The following FAM163B variants were observed in gnomAD, a reference collection of about 807,000 sequenced individuals.
The protein encoded by FAM163B is protein FAM163B.
A neutral mutation model predicts 7.6 loss-of-function variants in FAM163B; 4 were observed. The ratio of observed to expected loss-of-function variants is 0.52; its 90% CI spans 0.26 to 1.20. FAM163B has a LOEUF of 1.20. Among genes scored for constraint, FAM163B ranks in the 50% most tolerant of loss-of-function variants. FAM163B has a pLI of 0.14. For synonymous variants in FAM163B, 120 were observed against 111.6 expected (o/e 1.07, Z -0.47); for missense variants, 250 against 243.0 (o/e 1.03, Z -0.19).
intron 1 of FAM163B, among the ~76,000 whole-genome samples, chr9:133,590,554 C>A (rs1042258879): frequency 6.6e-6 from 1 of 152,182 alleles, no homozygotes. Flanking sequence ...CACTTCCAGG[C>A]CTTTACCCAC....
intron 1 of FAM163B, among the ~76,000 whole-genome samples, chr9:133,589,093 G>A (rs544418753): frequency 5.9e-5 from 9 of 152,162 alleles, no homozygotes; most frequent in Non-Finnish European, 8.8e-5. Context: ...CAATACCCCC[G>A]GAAAATACCC....
chr9:133,588,017 C>A (rs1831467926), intron 1 of FAM163B, among the ~76,000 whole-genome samples: 1 of 152,046 alleles, frequency 6.6e-6, no homozygotes, highest in Non-Finnish European at 1.5e-5. Flanking sequence ...GAGCCCAGTG[C>A]TCACCAGGAC....
At position 133,580,598 on chromosome 9, in the gene FAM163B, T is replaced by C. The variant is rs368323551; in HGVS notation, c.-23-352A>G. Among the ~76,000 whole-genome samples, 1,185 of 152,354 alleles carry C rather than the reference T, an allele frequency of 7.8e-3. 10 individuals carry two copies. The highest frequency in any genetic ancestry group is 0.027 in the African/African-American group (1,103 of 41,578). On this transcript the variant is annotated intron_variant, in intron 1 of 2. Coordinates refer to ENST00000673969, the MANE Select transcript of FAM163B (RefSeq NM_001080515.3). ...AGCCTGGCTCTACAAGCTTGCACGT[T>C]TTTAAATTTACCCAAATGCAGTCAG...
chr9:133,589,902 G>C (rs1051385317), intron 1 of FAM163B, among the ~76,000 whole-genome samples: 14 of 152,226 alleles, frequency 9.2e-5, no homozygotes, highest in Admixed American at 5.2e-4. Flanking sequence ...CAGGAAATGG[G>C]GGGTGGGAGG....
In FAM163B at chr9:133,609,086, T is replaced by G. The variant is rs1231044055; in HGVS notation, c.-33A>C. Among the ~76,000 whole-genome samples, 1 of 152,120 alleles carries G rather than the reference T, an allele frequency of 6.6e-6. No homozygotes were observed. Among genetic ancestry groups the G allele is most frequent in the Non-Finnish European group, 1.5e-5 (1 of 67,992 alleles). Reference sequence around the variant, plus strand: ...CCCGCTCGGCCCTTACCTTGAAGCATGGGAACCGCGCTGCCCCGGCCGCGA... The same window carrying G: ...CCCGCTCGGCCCTTACCTTGAAGCAGGGGAACCGCGCTGCCCCGGCCGCGA... On this transcript the variant is annotated 5_prime_UTR_variant, in exon 1 of 3. An upstream start codon of the reference 5' UTR is lost. Transcript: ENST00000673969.
intron 1 of FAM163B, among the ~76,000 whole-genome samples, chr9:133,583,723 G>A (rs1422541025): frequency 2.0e-5 from 3 of 152,204 alleles, no homozygotes; most frequent in Non-Finnish European, 2.9e-5. Context: ...GCAGCCTGGC[G>A]GCGTGACGGG....
At chr9:133,591,225 C>G (rs1011619617) in intron 1 of FAM163B, among the ~76,000 whole-genome samples, 4 of 152,248 alleles carry the variant, frequency 2.6e-5, no homozygotes, top group Non-Finnish European at 5.9e-5. Flanking sequence ...CTGCTATGCC[C>G]TGGCACTGGG....
chr9:133,591,365 G>T (rs1281832361), intron 1 of FAM163B, among the ~76,000 whole-genome samples: 1 of 152,232 alleles, frequency 6.6e-6, no homozygotes, highest in Admixed American at 6.5e-5. Flanking sequence ...GGCCACCTGG[G>T]TGTCCTGTGG....
chr9:133,589,807 C>G (rs1427977465), intron 1 of FAM163B, among the ~76,000 whole-genome samples: 1 of 152,042 alleles, frequency 6.6e-6, no homozygotes, highest in Non-Finnish European at 1.5e-5. Flanking sequence ...TAGGCCAGGC[C>G]AGGGCTTCAG....
rs6606356 is a variant in FAM163B, at chr9:133,578,798, C to T, written c.*224G>A. 0.012 allele frequency: 9,609 copies of T among 791,768 alleles called. 76 individuals carry two copies. The highest frequency in any genetic ancestry group is 0.016 in the Non-Finnish European group (8,564 of 547,930). 49.0% of individuals were successfully genotyped at this position (791,768 alleles called of 1,614,324 possible). ...TGTATGGTCACCTGGTCCTTCTAGC[C>T]CCAGGCCCCAGCTGTGCCTCCCCCC... is the stretch of plus-strand genomic sequence containing the variant. On this transcript the variant is annotated 3_prime_UTR_variant, in exon 3 of 3. Transcript: ENST00000673969.
intron 1 of FAM163B, among the ~76,000 whole-genome samples, chr9:133,603,984 C>T (rs755957194): frequency 2.0e-5 from 3 of 152,116 alleles, no homozygotes; most frequent in East Asian, 1.9e-4. Flanking sequence ...GGATTACAGG[C>T]GCATGCCACC....
At chr9:133,607,697 G>C (rs1297882252) in intron 1 of FAM163B, among the ~76,000 whole-genome samples, 4 of 152,206 alleles carry the variant, frequency 2.6e-5, no homozygotes, top group Non-Finnish European at 5.9e-5. Context: ...GCTGGATCCA[G>C]GATACAAAGA....
chr9:133,594,436 C>T lies in FAM163B; in HGVS notation c.-23-14190G>A, dbSNP rs552483962. On this transcript the variant is annotated intron_variant, in intron 1 of 2. Coordinates refer to ENST00000673969, the MANE Select transcript of FAM163B (RefSeq NM_001080515.3). ...CCTTTGCTAGTGTCATTCCCAGGAC[C>T]TCGAACTCCCCTCCAGCTCTGCGTA... is the stretch of plus-strand genomic sequence containing the variant. 3.9e-4 allele frequency among the ~76,000 whole-genome samples: 60 copies of T among 152,010 alleles called. 1 individual carries two copies. The highest frequency in any genetic ancestry group is 3.4e-3 in the Middle Eastern group (1 of 294).
chr9:133,596,562 G>GC, intron 1 of FAM163B, among the ~76,000 whole-genome samples: 1 of 152,256 alleles, frequency 6.6e-6, no homozygotes, highest in African/African-American at 2.4e-5. Flanking sequence ...GACAAGGAGG[G>GC]CCCTGTGGTG....
intron 1 of FAM163B, among the ~76,000 whole-genome samples, chr9:133,604,663 T>C (rs1338886281): frequency 6.6e-6 from 1 of 152,134 alleles, no homozygotes; most frequent in Non-Finnish European, 1.5e-5. Context: ...TGGTGGGCGG[T>C]GAGTCTCAAA....
chr9:133,579,873 T>C (rs7875254), intron 2 of FAM163B, among the ~76,000 whole-genome samples: 71,063 of 152,092 alleles, frequency 0.47, 16,693 homozygotes, highest in Middle Eastern at 0.55. Context: ...ACACTCCTTT[T>C]GGGCAGCTGG....
intron 1 of FAM163B, among the ~76,000 whole-genome samples, chr9:133,589,625 C>T (rs1367572435): frequency 2.9e-5 from 1 of 34,818 alleles, no homozygotes; most frequent in African/African-American, 5.7e-5. Context: ...GGCGACACAG[C>T]GCGCACACAC....
chr9:133,597,606 A>C (rs1438207164), intron 1 of FAM163B, among the ~76,000 whole-genome samples: 1 of 152,192 alleles, frequency 6.6e-6, no homozygotes, highest in Non-Finnish European at 1.5e-5. Context: ...AAATTGGATG[A>C]TATTATAAAC....
At chr9:133,598,950 C>T (rs1261678191) in intron 1 of FAM163B, among the ~76,000 whole-genome samples, 1 of 152,068 alleles carries the variant, frequency 6.6e-6, no homozygotes, top group Non-Finnish European at 1.5e-5. Context: ...AGGGAGAGCC[C>T]AGGGCAGATG....
Sources: allele counts gnomAD v4.1 joint callset (sites outside exome capture counted in the v4.1 genomes callset), GRCh38; gene constraint gnomAD v4.1.1; transcripts MANE v1.5; gene names NCBI Gene and HGNC (gene_info 2026-07-23, HGNC 2026-07-21).